RARB: variants seen among roughly 807,000 people sequenced by gnomAD.
RARB encodes HBV-activated protein.
Under a neutral mutation model 51.9 loss-of-function variants are expected in RARB, and 17 were observed. The observed-to-expected ratio is 0.33, with a 90% CI of 0.22 to 0.49. RARB has a LOEUF of 0.49. Ranked by LOEUF, RARB falls within the 20% of genes least tolerant of loss-of-function variation. The probability of loss-of-function intolerance (pLI) is 0.99; values close to 1 mark genes in which losing one functional copy is unlikely to be tolerated. For synonymous variants in RARB, 215 were observed against 195.4 expected, an observed-to-expected ratio of 1.10 and a Z score of -0.84; for missense variants, 369 against 550.8, an observed-to-expected ratio of 0.67 and a Z score of 3.30.
At chr3:25,034,605 T>G (rs1697943943) in intron 2 of RARB, among the ~76,000 whole-genome samples, 1 of 152,226 alleles carries the variant, frequency 6.6e-6, no homozygotes, top group African/African-American at 2.4e-5. Context: ...AAAGCTATTT[T>G]AGGTCAATTC....
At chr3:25,444,129 C>T (rs1210948908) in intron 1 of RARB, among the ~76,000 whole-genome samples, 1 of 152,138 alleles carries the variant, frequency 6.6e-6, no homozygotes, top group Non-Finnish European at 1.5e-5. Flanking sequence ...ACCATGTCAT[C>T]TAGTCCTCAG....
At chr3:25,177,381 C>A (rs964075860) in intron 5 of RARB, among the ~76,000 whole-genome samples, 10 of 152,306 alleles carry the variant, frequency 6.6e-5, no homozygotes, top group Admixed American at 2.6e-4. Flanking sequence ...TAGCAACACA[C>A]ATACTTGGGT....
chr3:25,145,591 T>C (rs1002529968), intron 4 of RARB, among the ~76,000 whole-genome samples: 1 of 152,208 alleles, frequency 6.6e-6, no homozygotes, highest in African/African-American at 2.4e-5. Flanking sequence ...ATTGTTCCAG[T>C]GGACATTAGG....
intron 2 of RARB, among the ~76,000 whole-genome samples, chr3:25,499,500 G>C (rs1020348732): frequency 2.0e-5 from 3 of 152,174 alleles, no homozygotes; most frequent in African/African-American, 7.2e-5. Context: ...AAAGCTGTAT[G>C]TAGAAACGGG....
chr3:25,207,505 T>G (rs1701580272), intron 5 of RARB, among the ~76,000 whole-genome samples: 1 of 152,208 alleles, frequency 6.6e-6, no homozygotes, highest in African/African-American at 2.4e-5. Flanking sequence ...TATATAAAAA[T>G]TGACCATTTT....
At chr3:25,156,881 T>C (rs765036478) in intron 4 of RARB, among the ~76,000 whole-genome samples, 6 of 152,230 alleles carry the variant, frequency 3.9e-5, no homozygotes, top group African/African-American at 7.2e-5. Flanking sequence ...TAGTTAGGAA[T>C]GTGGCAGGCC....
intron 2 of RARB, among the ~76,000 whole-genome samples, chr3:24,977,371 TATTG>T (rs1179697101): frequency 6.6e-6 from 1 of 152,216 alleles, no homozygotes; most frequent in African/African-American, 2.4e-5. Flanking sequence ...ACTTTCAAAA[TATTG>T]ATTCTTCCTA....
At chr3:25,280,127 T>G (rs985503847) in intron 5 of RARB, among the ~76,000 whole-genome samples, 13 of 152,100 alleles carry the variant, frequency 8.5e-5, no homozygotes, top group African/African-American at 3.1e-4. Flanking sequence ...GGTACAGTTG[T>G]GTAATGTTGT....
At chr3:25,066,139 G>A (rs929148173) in intron 3 of RARB, among the ~76,000 whole-genome samples, 1 of 152,148 alleles carries the variant, frequency 6.6e-6, no homozygotes, top group African/African-American at 2.4e-5. Flanking sequence ...ATTTTAATGT[G>A]AGAGACATAA....
intron 2 of RARB, among the ~76,000 whole-genome samples, chr3:24,905,498 G>A (rs1575064491): frequency 2.0e-5 from 3 of 152,282 alleles, no homozygotes; most frequent in Admixed American, 2.0e-4. Flanking sequence ...CCTCTCTACG[G>A]ATGTCCACAT....
chr3:25,191,179 C>G (rs1701095414), intron 5 of RARB, among the ~76,000 whole-genome samples: 1 of 151,940 alleles, frequency 6.6e-6, no homozygotes, highest in Non-Finnish European at 1.5e-5. Flanking sequence ...TTTTCAAAAC[C>G]CCAAGCAAAC....
intron 5 of RARB, among the ~76,000 whole-genome samples, chr3:25,270,603 C>G (rs13059799): frequency 0.1 from 15,397 of 152,194 alleles, 992 homozygotes; most frequent in South Asian, 0.26. Flanking sequence ...ATATGCAAAA[C>G]TTAATGGGGA....
At chr3:25,573,299 T>A (rs1264992427) in intron 4 of RARB, among the ~76,000 whole-genome samples, 3 of 152,186 alleles carry the variant, frequency 2.0e-5, no homozygotes, top group Non-Finnish European at 4.4e-5. Context: ...GAGGCTTCCC[T>A]GCAGGCCTCC....
rs557003083 is a variant in RARB at position 25,597,511 on chromosome 3, T to G, written c.*895T>G. ...CTTGTTCACAAGCCATTAGGGAAATTTCATGGGATAATTAGCAGGCTGGTC... is the reference window on the plus strand; with the variant it reads ...CTTGTTCACAAGCCATTAGGGAAATGTCATGGGATAATTAGCAGGCTGGTC... On this transcript the variant is annotated 3_prime_UTR_variant, in exon 8 of 8. Coordinates refer to ENST00000330688, the MANE Select transcript of RARB (RefSeq NM_000965.5). 2.0e-5 allele frequency: 3 copies of G among 152,800 alleles called. No homozygotes were observed. The South Asian group carries it at 6.2e-4, about 32-fold the overall frequency. The allele number at this position is 152,800 out of a possible 1,614,324, so 9.5% of individuals were successfully genotyped here.
rs191520256 is a variant in RARB at position 24,936,082 on chromosome 3, A to G, written c.-380+77330A>G. Among the ~76,000 whole-genome samples the G allele has an allele frequency of 3.0e-4, 45 of 152,292 alleles. 1 individual carries two copies. The highest frequency in any genetic ancestry group is 2.0e-3 in the Admixed American group (31 of 15,294). ...AAACATACCTTTTTAGGAAAGCCTCAGGTTTCCAGAATTATATTCTAGAGA... is the reference window on the plus strand; with the variant it reads ...AAACATACCTTTTTAGGAAAGCCTCGGGTTTCCAGAATTATATTCTAGAGA... On this transcript the variant is annotated intron_variant, in intron 2 of 11. Coordinates refer to the RARB transcript ENST00000383772.
At chr3:24,986,920 T>C (rs1388597094) in intron 2 of RARB, among the ~76,000 whole-genome samples, 2 of 152,148 alleles carry the variant, frequency 1.3e-5, no homozygotes, top group Non-Finnish European at 2.9e-5. Flanking sequence ...CCAAAGAAGC[T>C]AAGAATAGCC....
intron 2 of RARB, among the ~76,000 whole-genome samples, chr3:24,957,035 A>G (rs1696031943): frequency 6.6e-6 from 1 of 152,216 alleles, no homozygotes; most frequent in African/African-American, 2.4e-5. Context: ...CCAATCAACT[A>G]TTAGATGCTG....
chr3:25,043,726 G>A (rs2125296198), intron 2 of RARB, among the ~76,000 whole-genome samples: 1 of 152,276 alleles, frequency 6.6e-6, no homozygotes, highest in East Asian at 1.9e-4. Context: ...GTACCCTTAA[G>A]CATTTACGTG....
At chr3:25,438,025 C>A (rs1005076334) in intron 1 of RARB, among the ~76,000 whole-genome samples, 1 of 152,196 alleles carries the variant, frequency 6.6e-6, no homozygotes, top group East Asian at 1.9e-4. Context: ...GCTGGGCAGA[C>A]CCTCTGCTCC....
Sources: gnomAD v4.1 joint callset for allele counts (sites outside exome capture counted in the v4.1 genomes callset) on GRCh38, gnomAD v4.1.1 for gene constraint, MANE v1.5 for transcripts, NCBI Gene and HGNC (gene_info 2026-07-23, HGNC 2026-07-21) for gene names.